The following HOGA1 variants were observed in gnomAD, a reference collection of about 807,000 sequenced individuals.
The protein encoded by HOGA1 is 4-hydroxy-2-oxoglutarate aldolase 1, also known as 4-hydroxy-2-oxoglutarate aldolase, mitochondrial.
HOGA1 carries 30 observed loss-of-function variants against 34.3 expected under a neutral mutation model. The observed-to-expected ratio is 0.87, with a 90% CI of 0.65 to 1.19. HOGA1 has a LOEUF of 1.19. Among genes scored for constraint, HOGA1 ranks in the 50% most tolerant of loss-of-function variants. The pLI is 0.00. For synonymous variants in HOGA1, 161 were observed against 174.0 expected (o/e 0.93, Z 0.59); for missense variants, 417 against 436.5 (o/e 0.96, Z 0.40).
chr10:97,595,281 C>G (rs1300263140), intron 1 of HOGA1, among the ~76,000 whole-genome samples: 1 of 152,190 alleles, frequency 6.6e-6, no homozygotes, highest in Non-Finnish European at 1.5e-5. Context: ...ACACCAGCCA[C>G]CCTCCTGATT....
At chr10:97,602,701 T>C in intron 6 of HOGA1, 2 of 672,524 alleles carry the variant, frequency 3.0e-6, no homozygotes, top group Non-Finnish European at 3.7e-6. Flanking sequence ...TTCTTTCTTT[T>C]TTTAGACAGA....
chr10:97,584,928 T>G lies in HOGA1; in HGVS notation c.211+14T>G, dbSNP rs372517912. 2.2e-5 allele frequency: 35 copies of G among 1,610,884 alleles called. No individual in the cohort carries two copies. Among genetic ancestry groups the G allele is most frequent in the Non-Finnish European group, 2.8e-5 (33 of 1,177,552 alleles). On this transcript the variant is annotated intron_variant, in intron 1 of 6. Transcript: ENST00000370646. ...TCCCCTTCCGAGGTAAGTGGGGCTG[T>G]CCTCTGTGGGACCTGGGGAGATGTG...
At chr10:97,599,892 C>T (rs1009191055) in intron 4 of HOGA1, 78 bp downstream of exon 4, 51 of 1,602,502 alleles carry the variant, frequency 3.2e-5, no homozygotes, top group Non-Finnish European at 4.1e-5. Context: ...GAGGGCAGCT[C>T]TGAGATCTGT....
chr10:97,611,378 C>T (rs2041194246), intron 6 of HOGA1, 132 bp from the exon 7 acceptor site: 2 of 971,492 alleles, frequency 2.1e-6, no homozygotes, highest in East Asian at 4.9e-5. Flanking sequence ...CCCTGGGTGC[C>T]ATAGAGTTGG....
chr10:97,606,128 C>CAAAAAAAAAA (rs60230634), intron 6 of HOGA1, among the ~76,000 whole-genome samples: 386 of 91,260 alleles, frequency 4.2e-3, no homozygotes, highest in Middle Eastern at 6.9e-3. Context: ...ACTAAAAATA[C>CAAAAAAAAAA]AAAAAAAAAA....
rs1359801854 is a variant in HOGA1, at chr10:97,611,498, C to T, written c.835-12C>T. ...AATTTCTCAGTCTCTTCTAACAGGCCCTGCTTTGCAGGTGACCCGGCGCTT... is the reference window on the plus strand; with the variant it reads ...AATTTCTCAGTCTCTTCTAACAGGCTCTGCTTTGCAGGTGACCCGGCGCTT... On this transcript the variant is annotated splice_polypyrimidine_tract_variant and intron_variant, in intron 6 of 6. Transcript: ENST00000370646. 2.2e-5 allele frequency: 36 copies of T among 1,614,084 alleles called. No homozygotes were observed. Among genetic ancestry groups the T allele is most frequent in the Non-Finnish European group, 2.7e-5 (32 of 1,180,034 alleles).
chr10:97,604,697 A>G (rs897213569), intron 6 of HOGA1, among the ~76,000 whole-genome samples: 4 of 150,438 alleles, frequency 2.7e-5, no homozygotes, highest in Admixed American at 6.6e-5. Flanking sequence ...AAAAGCTGCC[A>G]TGGGAAGGGA....
chr10:97,589,088 C>T (rs1383784308), intron 1 of HOGA1, among the ~76,000 whole-genome samples: 1 of 152,068 alleles, frequency 6.6e-6, no homozygotes, highest in African/African-American at 2.4e-5. Flanking sequence ...CCCGGAGTGG[C>T]CCCAGGGATC....
chr10:97,600,041 C>G (rs367698800), intron 4 of HOGA1, 26 bp from the exon 5 acceptor site: 5 of 1,605,074 alleles, frequency 3.1e-6, no homozygotes, highest in Non-Finnish European at 4.3e-6. Context: ...CTGGGCACAG[C>G]TCTCACACCA....
At chr10:97,610,339 G>A (rs576531731) in intron 6 of HOGA1, among the ~76,000 whole-genome samples, 1 of 152,224 alleles carries the variant, frequency 6.6e-6, no homozygotes, top group Non-Finnish European at 1.5e-5. Flanking sequence ...ATGCTGTCAT[G>A]CACCTGAAGT....
rs571122786 is a variant in HOGA1 at position 97,590,611 on chromosome 10, G to A, written c.211+5697G>A. On this transcript the variant is annotated intron_variant, in intron 1 of 6. Coordinates refer to ENST00000370646, the MANE Select transcript of HOGA1 (RefSeq NM_138413.4). ...AAGCCACCTAACCATGGATGGAGAC[G>A]CCCCTGCCCCCAGCAAGGCTGGCTC... 24 of 1,578,312 alleles carry A rather than the reference G, an allele frequency of 1.5e-5. 1 individual carries two copies. Among genetic ancestry groups the A allele is most frequent in the South Asian group, 1.5e-4 (13 of 87,396 alleles).
intron 1 of HOGA1, among the ~76,000 whole-genome samples, chr10:97,587,654 C>A (rs906373390): frequency 6.6e-6 from 1 of 152,004 alleles, no homozygotes; most frequent in Non-Finnish European, 1.5e-5. Flanking sequence ...ATTACAGGTG[C>A]CTGCCACCAC....
rs1174119385 is a variant in HOGA1, at chr10:97,586,443, G to A, written c.211+1529G>A. 2.6e-5 allele frequency among the ~76,000 whole-genome samples: 4 copies of A among 152,354 alleles called. No individual in the cohort carries two copies. The East Asian group carries it at 5.8e-4, about 22-fold the overall frequency. On this transcript the variant is annotated intron_variant, in intron 1 of 6. Transcript: ENST00000370646. ...TCATAGCTCAGTACTGAGGGAATGT[G>A]CCCCTTCCTTGGGGACAATGAATGC...
chr10:97,590,162 C>A, intron 1 of HOGA1: 1 of 1,614,120 alleles, frequency 6.2e-7, no homozygotes, highest in Non-Finnish European at 8.5e-7. Flanking sequence ...GGGCTCCGCT[C>A]TGCACCGGGA....
At chr10:97,592,397 C>T (rs1008400647) in intron 1 of HOGA1, among the ~76,000 whole-genome samples, 3 of 151,858 alleles carry the variant, frequency 2.0e-5, no homozygotes, top group Admixed American at 6.6e-5. Context: ...CCCGCCACCA[C>T]GCCTGGCTAA....
intron 1 of HOGA1, among the ~76,000 whole-genome samples, chr10:97,596,915 G>A (rs951663478): frequency 2.6e-5 from 4 of 152,054 alleles, no homozygotes; most frequent in Non-Finnish European, 2.9e-5. Flanking sequence ...GTGTTTCTCC[G>A]GGGCAGTTGC....
intron 5 of HOGA1, chr10:97,600,397 G>T (rs990778431): frequency 3.4e-6 from 2 of 586,620 alleles, no homozygotes; most frequent in African/African-American, 3.7e-5. Context: ...CTGGCCTGTA[G>T]TAGGGATGCC....
chr10:97,592,304 G>C (rs555756217), intron 1 of HOGA1, among the ~76,000 whole-genome samples: 1 of 146,274 alleles, frequency 6.8e-6, no homozygotes, highest in South Asian at 2.2e-4. Context: ...GCAGTGGTGC[G>C]ATCTCGGCTC....
At chr10:97,591,865 G>C (rs1025499052) in intron 1 of HOGA1, among the ~76,000 whole-genome samples, 1 of 143,206 alleles carries the variant, frequency 7.0e-6, no homozygotes, top group Admixed American at 7.1e-5. Flanking sequence ...GTGTGACAGA[G>C]TCTCGCTTCA....
Sources: allele counts gnomAD v4.1 joint callset (sites outside exome capture counted in the v4.1 genomes callset), GRCh38; gene constraint gnomAD v4.1.1; transcripts MANE v1.5; gene names NCBI Gene and HGNC (gene_info 2026-07-23, HGNC 2026-07-21).